GABRA3: variants seen among roughly 807,000 people sequenced by gnomAD.
GABRA3 encodes gamma-aminobutyric acid receptor subunit alpha-3.
A neutral mutation model predicts 30.1 loss-of-function variants in GABRA3; 10 were observed. The ratio of observed to expected loss-of-function variants is 0.33; its 90% CI spans 0.20 to 0.56. The LOEUF is 0.56. GABRA3 is among the 20% of genes least tolerant of loss of function. The pLI is 0.89. For missense variants in GABRA3, 233 were observed against 392.0 expected (o/e 0.59, Z 3.42); for synonymous variants, 151 against 146.8 (o/e 1.03, Z -0.21).
intron 6 of GABRA3, among the ~76,000 whole-genome samples, chrX:152,223,609 T>C (rs1238462948): frequency 2.7e-5 from 3 of 109,782 alleles, no homozygotes; most frequent in Non-Finnish European, 5.7e-5. Flanking sequence ...AGACATACGG[T>C]ATTTTTCCTG....
chrX:152,445,782 A>G (rs1179853039), intron 1 of GABRA3, among the ~76,000 whole-genome samples: 1 of 111,778 alleles, frequency 8.9e-6, no homozygotes, highest in African/African-American at 3.3e-5. Flanking sequence ...ACCGTATTTT[A>G]CAGTTATGGA....
chrX:152,221,694 C>A (rs1227817589), intron 6 of GABRA3, among the ~76,000 whole-genome samples: 1 of 111,814 alleles, frequency 8.9e-6, no homozygotes, highest in Non-Finnish European at 1.9e-5. Flanking sequence ...TTATCCTCTG[C>A]AAATTACACA....
At chrX:152,256,803 A>G (rs1284484255) in intron 4 of GABRA3, among the ~76,000 whole-genome samples, 1 of 111,997 alleles carries the variant, frequency 8.9e-6, no homozygotes, top group East Asian at 2.8e-4. Context: ...CAGAAACCTA[A>G]GGTGAGTTTA....
intron 3 of GABRA3, among the ~76,000 whole-genome samples, chrX:152,344,629 C>T (rs1368365066): frequency 8.9e-6 from 1 of 111,737 alleles, no homozygotes; most frequent in Admixed American, 9.5e-5. Context: ...AGTGCAGCAA[C>T]CTGGTAAACA....
At chrX:152,257,035 G>A (rs183249403) in intron 4 of GABRA3, among the ~76,000 whole-genome samples, 2 of 110,801 alleles carry the variant, frequency 1.8e-5, no homozygotes, top group East Asian at 5.7e-4. Flanking sequence ...GAAAAATTCC[G>A]GCTGATCACT....
chrX:152,217,285 G>T (rs1937741184), intron 6 of GABRA3, among the ~76,000 whole-genome samples: 1 of 110,783 alleles, frequency 9.0e-6, no homozygotes, highest in African/African-American at 3.3e-5. Context: ...TGTATTCCTG[G>T]GAAAAATCTC....
chrX:152,449,814 C>T (rs1041724200), intron 1 of GABRA3, among the ~76,000 whole-genome samples: 4 of 111,919 alleles, frequency 3.6e-5, no homozygotes, highest in African/African-American at 1.3e-4. Flanking sequence ...CATGTAATTG[C>T]TCTGTAATCT....
intron 3 of GABRA3, among the ~76,000 whole-genome samples, chrX:152,291,030 G>GT (rs756268071): frequency 4.5e-5 from 5 of 111,110 alleles, no homozygotes; most frequent in South Asian, 7.6e-4. Context: ...CTTTAAAGTA[G>GT]TTTTTTTCCA....
chrX:152,420,480 A>G (rs186134901), intron 1 of GABRA3, among the ~76,000 whole-genome samples: 1 of 111,633 alleles, frequency 9.0e-6, no homozygotes, highest in East Asian at 2.8e-4. Context: ...TTTTTTACAA[A>G]GATACATTTA....
chrX:152,197,884 C>G (rs774453206), intron 7 of GABRA3, 99 bp from the exon 8 acceptor site: 1 of 644,637 alleles, frequency 1.6e-6, no homozygotes, highest in East Asian at 3.5e-5. Flanking sequence ...ATCTTATATT[C>G]AATATTCCAG....
rs372945681 is a variant in GABRA3 at position 152,320,064 on chromosome X, TAAAAAA to T, written c.262+25511_262+25516del. On this transcript the variant is annotated intron_variant, in intron 3 of 9. Transcript: ENST00000370314. ...GAAAGGATGGCCATAATCAAAAACA[TAAAAAA>T]AAAGACGTTGGCATAGATGCAGTGA... is the stretch of plus-strand genomic sequence containing the variant. 6.5e-5 allele frequency among the ~76,000 whole-genome samples: 7 copies of T among 107,747 alleles called. No individual in the cohort carries two copies. The East Asian group carries it at 2.0e-3, about 31-fold the overall frequency. 93.6% of individuals were successfully genotyped at this position (107,747 alleles called of 115,157 possible).
chrX:152,267,140 T>C (rs1250489359), intron 4 of GABRA3, among the ~76,000 whole-genome samples: 1 of 112,377 alleles, frequency 8.9e-6, no homozygotes, highest in Non-Finnish European at 1.9e-5. Flanking sequence ...CAATGTTAAC[T>C]GTGGGTTTGT....
At chrX:152,428,804 T>C (rs1930575907) in intron 1 of GABRA3, among the ~76,000 whole-genome samples, 1 of 111,747 alleles carries the variant, frequency 8.9e-6, no homozygotes, top group African/African-American at 3.3e-5. Flanking sequence ...TTGCAAACAT[T>C]TGGCAAGCAT....
At chrX:152,407,848 A>C (rs1325349891) in intron 1 of GABRA3, among the ~76,000 whole-genome samples, 2 of 111,824 alleles carry the variant, frequency 1.8e-5, no homozygotes, top group Non-Finnish European at 3.8e-5. Context: ...AAGCTGAATT[A>C]AACAACACAT....
intron 9 of GABRA3, among the ~76,000 whole-genome samples, chrX:152,178,811 T>C (rs949065250): frequency 1.1e-4 from 12 of 111,652 alleles, no homozygotes; most frequent in African/African-American, 3.9e-4. Context: ...CCCAAACCCA[T>C]TGTCCAGCCC....
chrX:152,329,628 A>C (rs1940128692), intron 3 of GABRA3, among the ~76,000 whole-genome samples: 1 of 112,147 alleles, frequency 8.9e-6, no homozygotes, highest in Non-Finnish European at 1.9e-5. Flanking sequence ...TGGTGCTGGG[A>C]AAACTGGCTA....
chrX:152,233,319 C>G, intron 5 of GABRA3, among the ~76,000 whole-genome samples: 1 of 111,126 alleles, frequency 9.0e-6, no homozygotes, highest in African/African-American at 3.3e-5. Context: ...TTAATTAGAT[C>G]CCATTTGTCA....
chrX:152,232,678 T>C lies in GABRA3; in HGVS notation c.552-7833A>G, dbSNP rs1041289818. On this transcript the variant is annotated intron_variant, in intron 5 of 9. Transcript: ENST00000370314. ...TTGTGTATATATATACAGCATTATA[T>C]ATATATACATATATATATAATTTTA... Among the ~76,000 whole-genome samples, 15 of 107,708 alleles carry C rather than the reference T, an allele frequency of 1.4e-4. No homozygotes were observed. The Admixed American group carries it at 1.5e-3, about 11-fold the overall frequency. The allele number at this position is 107,708 out of a possible 115,157, so 93.5% of individuals were successfully genotyped here.
chrX:152,331,221 T>C (rs1940161222), intron 3 of GABRA3, among the ~76,000 whole-genome samples: 2 of 106,690 alleles, frequency 1.9e-5, no homozygotes, highest in South Asian at 8.1e-4. Flanking sequence ...TAATTAAAAC[T>C]GGCACCATGA....
Sources: gnomAD v4.1 joint callset for allele counts (sites outside exome capture counted in the v4.1 genomes callset) on GRCh38, gnomAD v4.1.1 for gene constraint, MANE v1.5 for transcripts, NCBI Gene and HGNC (gene_info 2026-07-23, HGNC 2026-07-21) for gene names.